UCK2: variants seen among roughly 807,000 people sequenced by gnomAD.
UCK2 encodes the protein cytidine monophosphokinase 2.
UCK2 carries 6 observed loss-of-function variants against 30.8 expected under a neutral mutation model. The observed-to-expected ratio is 0.19, with a 90% CI of 0.11 to 0.38. The LOEUF (loss-of-function observed/expected upper bound fraction) is 0.38. Among genes scored for constraint, UCK2 ranks in the 10% least tolerant of loss-of-function variants. UCK2 has a pLI of 1.00. For missense variants in UCK2, 210 were observed against 339.8 expected (o/e 0.62, Z 3.00); for synonymous variants, 125 against 133.6 (o/e 0.94, Z 0.45).
intron 1 of UCK2, among the ~76,000 whole-genome samples, chr1:165,885,824 T>C (rs1167490767): frequency 6.6e-6 from 1 of 152,236 alleles, no homozygotes; most frequent in Non-Finnish European, 1.5e-5. Flanking sequence ...ATGAGATCAT[T>C]TTAAAGTGCT....
chr1:165,871,703 A>G (rs1294385958), intron 1 of UCK2, among the ~76,000 whole-genome samples: 1 of 152,178 alleles, frequency 6.6e-6, no homozygotes, highest in Non-Finnish European at 1.5e-5. Context: ...GGAAGACATG[A>G]AGTTGAGAAG....
Position 165,829,089 on chromosome 1 carries a change from T to C in UCK2, c.99+1157T>C, listed in dbSNP as rs558929266. Among the ~76,000 whole-genome samples, 320 of 152,186 alleles carry C rather than the reference T, an allele frequency of 2.1e-3. 4 individuals are homozygous for C. Among genetic ancestry groups the C allele is most frequent in the Admixed American group, 0.019 (289 of 15,278 alleles). On this transcript the variant is annotated intron_variant, in intron 1 of 6. Transcript: ENST00000367879. ...CTCCTCCATGTTGGTTTTACATTTT[T>C]CCCTCCTGGTCTGGACTACTTTAGC...
In UCK2 at chr1:165,908,094, T is replaced by C; in HGVS notation, c.*271T>C. ...ACGTGTAACCAGTTATAAATACATA[T>C]ATATATAAAAAAGGATCTATTTTTG... On this transcript the variant is annotated 3_prime_UTR_variant, in exon 7 of 7. Coordinates refer to ENST00000367879, the MANE Select transcript of UCK2 (RefSeq NM_012474.5). The C allele has an allele frequency of 3.4e-6, 1 of 291,744 alleles. No homozygotes were observed. The highest frequency in any genetic ancestry group is 6.4e-6 in the Non-Finnish European group (1 of 157,316). 18.1% of individuals were successfully genotyped at this position (291,744 alleles called of 1,614,324 possible).
intron 1 of UCK2, among the ~76,000 whole-genome samples, chr1:165,884,283 G>T (rs1321343292): frequency 6.6e-6 from 1 of 152,254 alleles, no homozygotes; most frequent in Non-Finnish European, 1.5e-5. Context: ...CAATCAGTGT[G>T]CCTCAACCTG....
chr1:165,832,944 T>C (rs1028948868), intron 1 of UCK2, among the ~76,000 whole-genome samples: 6 of 152,034 alleles, frequency 3.9e-5, no homozygotes, highest in African/African-American at 1.4e-4. Context: ...CAGTGGCCTC[T>C]TCGTGTAAAT....
intron 1 of UCK2, among the ~76,000 whole-genome samples, chr1:165,839,168 G>T (rs1236593339): frequency 1.3e-5 from 2 of 151,370 alleles, no homozygotes; most frequent in East Asian, 1.9e-4. Context: ...CTTTTTTTTT[G>T]ATTGAGGTAA....
chr1:165,871,083 T>G (rs1655185251), intron 1 of UCK2, among the ~76,000 whole-genome samples: 1 of 152,194 alleles, frequency 6.6e-6, no homozygotes. Flanking sequence ...CCCAAAGTGC[T>G]GGGATTACAG....
At position 165,910,196 on chromosome 1, in the gene UCK2, C is replaced by A. The variant is rs557135998; in HGVS notation, c.*2373C>A. 6.6e-6 allele frequency: 1 copy of A among 152,260 alleles called. No individual in the cohort carries two copies. Among genetic ancestry groups the A allele is most frequent in the East Asian group, 1.9e-4 (1 of 5,188 alleles). 9.4% of individuals were successfully genotyped at this position (152,260 alleles called of 1,614,324 possible). Reference sequence around the variant, plus strand: ...AACAAGGAAGGGATGGAAGGCTCTACCCCTCCGTGGCAGCCCAGCATTTGG... The same window carrying A: ...AACAAGGAAGGGATGGAAGGCTCTAACCCTCCGTGGCAGCCCAGCATTTGG... On this transcript the variant is annotated 3_prime_UTR_variant, in exon 7 of 7. Coordinates refer to ENST00000367879, the MANE Select transcript of UCK2 (RefSeq NM_012474.5).
At chr1:165,833,189 C>T (rs960251644) in intron 1 of UCK2, among the ~76,000 whole-genome samples, 10 of 152,190 alleles carry the variant, frequency 6.6e-5, no homozygotes, top group Admixed American at 3.3e-4. Flanking sequence ...GTCAGGTGTT[C>T]CCAGGACTGT....
In UCK2 at chr1:165,907,992, A is replaced by G. The variant is rs866125698; in HGVS notation, c.*169A>G. The G allele has an allele frequency of 3.1e-5, 31 of 985,000 alleles. No individual in the cohort carries two copies. The Middle Eastern group carries it at 1.8e-3, about 56-fold the overall frequency. 61.0% of individuals were successfully genotyped at this position (985,000 alleles called of 1,614,324 possible). A position where few individuals can be genotyped will look rare whatever the true frequency, so the allele number is the denominator to read the frequency against. On this transcript the variant is annotated 3_prime_UTR_variant, in exon 7 of 7. Coordinates refer to ENST00000367879, the MANE Select transcript of UCK2 (RefSeq NM_012474.5). ...TCTTTTTGTACTTTGGAACGACAAA[A>G]TGAAACAGAACTTGACCCTGAGCTT...
At chr1:165,840,042 C>G (rs1345944082) in intron 1 of UCK2, among the ~76,000 whole-genome samples, 1 of 152,218 alleles carries the variant, frequency 6.6e-6, no homozygotes, top group African/African-American at 2.4e-5. Context: ...CCTCAGCCTC[C>G]CAAGTAGCTG....
At chr1:165,872,872 G>C (rs907459381) in intron 1 of UCK2, among the ~76,000 whole-genome samples, 1 of 152,204 alleles carries the variant, frequency 6.6e-6, no homozygotes, top group African/African-American at 2.4e-5. Context: ...GAAAACAGTA[G>C]CTGCCAGAGA....
At chr1:165,834,175 G>A (rs2101848053) in intron 1 of UCK2, among the ~76,000 whole-genome samples, 1 of 152,260 alleles carries the variant, frequency 6.6e-6, no homozygotes, top group East Asian at 1.9e-4. Context: ...TCTAAGTTTA[G>A]TCTTCTGAAT....
intron 1 of UCK2, among the ~76,000 whole-genome samples, chr1:165,858,434 G>A (rs1379832045): frequency 6.6e-6 from 1 of 152,212 alleles, no homozygotes; most frequent in East Asian, 1.9e-4. Context: ...CCCCTTGGGA[G>A]CCTTGCCTAC....
chr1:165,832,758 T>C (rs940451005), intron 1 of UCK2, among the ~76,000 whole-genome samples: 2 of 151,994 alleles, frequency 1.3e-5, no homozygotes, highest in Non-Finnish European at 2.9e-5. Flanking sequence ...AATGTCCGGC[T>C]AATTTTTGTA....
chr1:165,892,652 G>C (rs547039318), intron 3 of UCK2: 1 of 152,210 alleles, frequency 6.6e-6, no homozygotes, highest in East Asian at 1.9e-4. Flanking sequence ...GTGGTGTCAC[G>C]TTGACAAGAG....
rs1647860455 is a variant in UCK2, at chr1:165,911,581, T to C, written c.*3758T>C. ...TTAGTGGTTACAAAGTGACCACATA[T>C]TATGTACTTTGCTGTAAATAAAGAC... On this transcript the variant is annotated 3_prime_UTR_variant, in exon 7 of 7. Coordinates refer to ENST00000367879, the MANE Select transcript of UCK2 (RefSeq NM_012474.5). The C allele has an allele frequency of 6.6e-6, 1 of 152,212 alleles. No homozygotes were observed. Among genetic ancestry groups the C allele is most frequent in the African/African-American group, 2.4e-5 (1 of 41,446 alleles). 9.4% of individuals were successfully genotyped at this position (152,212 alleles called of 1,614,324 possible).
At chr1:165,872,729 T>C (rs1212180291) in intron 1 of UCK2, among the ~76,000 whole-genome samples, 1 of 152,212 alleles carries the variant, frequency 6.6e-6, no homozygotes, top group Non-Finnish European at 1.5e-5. Context: ...TTAAAAGTAT[T>C]GACAGTATAA....
intron 1 of UCK2, among the ~76,000 whole-genome samples, chr1:165,843,970 TC>T (rs1654388674): frequency 6.6e-6 from 1 of 152,226 alleles, no homozygotes; most frequent in African/African-American, 2.4e-5. Context: ...AGCTAATACT[TC>T]CCGAGCACTA....
Sources: allele counts gnomAD v4.1 joint callset (sites outside exome capture counted in the v4.1 genomes callset), GRCh38; gene constraint gnomAD v4.1.1; transcripts MANE v1.5; gene names NCBI Gene and HGNC (gene_info 2026-07-23, HGNC 2026-07-21).